PANK4: variants seen among roughly 807,000 people sequenced by gnomAD.
The protein encoded by PANK4 is pantothenate kinase 4 (inactive).
A neutral mutation model predicts 87.9 loss-of-function variants in PANK4; 40 were observed. The observed-to-expected ratio is 0.46, with a 90% confidence interval of 0.35 to 0.59. PANK4 has a LOEUF of 0.59. Ranked by LOEUF, PANK4 falls within the 20% of genes least tolerant of loss-of-function variation. PANK4 has a pLI of 0.00. For missense variants in PANK4, 926 were observed against 1,072.3 expected (o/e 0.86, Z 1.90); for synonymous variants, 524 against 467.4 (o/e 1.12, Z -1.56).
In PANK4 at chr1:2,520,079, G is replaced by T; in HGVS notation, c.700-125C>A. On this transcript the variant is annotated intron_variant, in intron 5 of 18. Coordinates refer to ENST00000378466, the MANE Select transcript of PANK4 (RefSeq NM_018216.4). The surrounding 1 kb of genome is among the most constrained non-coding windows in gnomAD (Gnocchi z 6.2). ...GGGTAAATGGGCCCTCATCGCGTGG[G>T]ACCAAAGGCAGGAGGCGGCAAGCGG... 1.0e-6 allele frequency: 1 copy of T among 981,334 alleles called. No homozygotes were observed. Among genetic ancestry groups the T allele is most frequent in the East Asian group, 2.6e-5 (1 of 37,822 alleles). The allele number at this position is 981,334 out of a possible 1,614,324, so 60.8% of individuals were successfully genotyped here.
chr1:2,518,435 TG>T, intron 8 of PANK4, 80 bp downstream of exon 8: 1 of 1,283,168 alleles, frequency 7.8e-7, no homozygotes, highest in Non-Finnish European at 1.1e-6. Context: ...ACCTCCACCC[TG>T]GGCCGCCCTG....
At chr1:2,513,169 C>A in intron 12 of PANK4, 130 bp from the exon 13 acceptor site, 1 of 954,828 alleles carries the variant, frequency 1.0e-6, no homozygotes, top group Non-Finnish European at 1.6e-6. Flanking sequence ...TGGGACCCCA[C>A]CAGGCACAAG....
Position 2,508,786 on chromosome 1 carries a change from G to C in PANK4, c.*61C>G. On this transcript the variant is annotated 3_prime_UTR_variant, in exon 19 of 19. Coordinates refer to ENST00000378466, the MANE Select transcript of PANK4 (RefSeq NM_018216.4). This position sits in a 1 kb window ranked among gnomAD's most constrained non-coding sequence, Gnocchi z 5.1. ...ACGTTGATTTGAACGCAGTTTCCCT[G>C]TGGTGGTAAAAACACATTCCTGACA... 9.9e-7 allele frequency: 1 copy of C among 1,008,528 alleles called. No individual in the cohort carries two copies. The allele number at this position is 1,008,528 out of a possible 1,614,324, so 62.5% of individuals were successfully genotyped here.
rs1167185595 is a variant in PANK4, at chr1:2,517,776, C to G, written c.1218+388G>C. On this transcript the variant is annotated intron_variant, in intron 9 of 18. Transcript: ENST00000378466. ...CAGTGCGCGGCAGTGTGCGGCAGAGCGCGCAGTCCTAGGCAGGGCCCTGGG... is the reference window on the plus strand; with the variant it reads ...CAGTGCGCGGCAGTGTGCGGCAGAGGGCGCAGTCCTAGGCAGGGCCCTGGG... Among the ~76,000 whole-genome samples the G allele has an allele frequency of 7.2e-5, 11 of 152,360 alleles. No individual in the cohort carries two copies. In the East Asian group the frequency reaches 2.1e-3, roughly 29 times the overall value.
At chr1:2,523,861 C>A (rs546547461) in intron 1 of PANK4, among the ~76,000 whole-genome samples, 1 of 152,230 alleles carries the variant, frequency 6.6e-6, no homozygotes, top group Non-Finnish European at 1.5e-5. Context: ...TGCCTCCTGG[C>A]GGCTCTCCGG....
At position 2,510,514 on chromosome 1, in the gene PANK4, C is replaced by G. The variant is rs1404036536; in HGVS notation, c.1938+164G>C. 3.1e-6 allele frequency: 2 copies of G among 640,440 alleles called. No homozygotes were observed. The highest frequency in any genetic ancestry group is 5.6e-6 in the Non-Finnish European group (2 of 360,116). 39.7% of individuals were successfully genotyped at this position (640,440 alleles called of 1,614,324 possible). A position where few individuals can be genotyped will look rare whatever the true frequency, so the allele number is the denominator to read the frequency against. On this transcript the variant is annotated intron_variant, in intron 16 of 18. Transcript: ENST00000378466. The surrounding 1 kb of genome is among the most constrained non-coding windows in gnomAD (Gnocchi z 4.9). Reference sequence around the variant, plus strand: ...AGCCCAGGGGGCTCGGAGCCTCCACCCCAGCAGATGACGGCTCTGGGCCGC... The same window carrying G: ...AGCCCAGGGGGCTCGGAGCCTCCACGCCAGCAGATGACGGCTCTGGGCCGC...
chr1:2,522,940 G>C lies in PANK4; in HGVS notation c.125-1140C>G, dbSNP rs113384210. On this transcript the variant is annotated intron_variant, in intron 1 of 18. Coordinates refer to ENST00000378466, the MANE Select transcript of PANK4 (RefSeq NM_018216.4). ...TATGGTGCTATAGTGACTTAACAGAGGGGACCGTGTGGTGTTATAGTGACT... is the reference window on the plus strand; with the variant it reads ...TATGGTGCTATAGTGACTTAACAGACGGGACCGTGTGGTGTTATAGTGACT... Among the ~76,000 whole-genome samples the C allele has an allele frequency of 6.7e-3, 521 of 77,610 alleles. 13 individuals carry two copies. The highest frequency in any genetic ancestry group is 0.028 in the Middle Eastern group (2 of 72). The allele number at this position is 77,610 out of a possible 152,430, so 50.9% of individuals were successfully genotyped here.
intron 9 of PANK4, among the ~76,000 whole-genome samples, chr1:2,517,840 G>A (rs949690501): frequency 8.5e-5 from 13 of 152,228 alleles, no homozygotes; most frequent in African/African-American, 2.9e-4. Flanking sequence ...CAAAGTGGAC[G>A]GGCCTTCTGG....
chr1:2,511,284 C>T (rs1643656328), intron 15 of PANK4, 54 bp downstream of exon 15: 5 of 1,318,678 alleles, frequency 3.8e-6, no homozygotes, highest in South Asian at 2.4e-5. Flanking sequence ...AGTGACCACC[C>T]CCCCGGGCCC....
chr1:2,508,627 TATAA>T lies in PANK4; in HGVS notation c.*216_*219del. The T allele has an allele frequency of 3.1e-6, 1 of 320,956 alleles. No homozygotes were observed. The highest frequency in any genetic ancestry group is 5.6e-6 in the Non-Finnish European group (1 of 180,158). 19.9% of individuals were successfully genotyped at this position (320,956 alleles called of 1,614,324 possible). ...ATCTCTCTATTTATATATATATATA[TATAA>T]AAGGTTCTTTAGCAGTTAAATAGAT... On this transcript the variant is annotated 3_prime_UTR_variant, in exon 19 of 19. Coordinates refer to ENST00000378466, the MANE Select transcript of PANK4 (RefSeq NM_018216.4). This position sits in a 1 kb window ranked among gnomAD's most constrained non-coding sequence, Gnocchi z 5.1.
intron 1 of PANK4, among the ~76,000 whole-genome samples, chr1:2,523,675 T>A (rs1643896739): frequency 6.6e-6 from 1 of 152,310 alleles, no homozygotes; most frequent in African/African-American, 2.4e-5. Context: ...CAGTGTTCCG[T>A]CTGCCTACTC....
rs1470682204 is a variant in PANK4, at chr1:2,520,049, G to T, written c.700-95C>A. 5 of 1,245,284 alleles carry T rather than the reference G, an allele frequency of 4.0e-6. No homozygotes were observed. The East Asian group carries it at 1.3e-4, about 32-fold the overall frequency. 77.1% of individuals were successfully genotyped at this position (1,245,284 alleles called of 1,614,324 possible). ...AGCCCATGGCAGGAGGCACGCGCGGGCAGGGGGTAAATGGGCCCTCATCGC... is the reference window on the plus strand; with the variant it reads ...AGCCCATGGCAGGAGGCACGCGCGGTCAGGGGGTAAATGGGCCCTCATCGC... On this transcript the variant is annotated intron_variant, in intron 5 of 18. Transcript: ENST00000378466. The surrounding 1 kb of genome is among the most constrained non-coding windows in gnomAD (Gnocchi z 6.2).
At chr1:2,513,828 T>C (rs1643708469) in intron 12 of PANK4, among the ~76,000 whole-genome samples, 174 bp downstream of exon 12, 1 of 152,184 alleles carries the variant, frequency 6.6e-6, no homozygotes, top group African/African-American at 2.4e-5. Flanking sequence ...CAGCAGATGC[T>C]GCCAACAGAG....
intron 2 of PANK4, 93 bp downstream of exon 2, chr1:2,521,625 G>A (rs778366893): frequency 2.0e-6 from 2 of 1,015,110 alleles, no homozygotes; most frequent in South Asian, 2.5e-5. Context: ...GTCGAGGTCT[G>A]CAGCAGCAGA....
At position 2,522,105 on chromosome 1, in the gene PANK4, G is replaced by C. The variant is rs77399547; in HGVS notation, c.125-305C>G. The stretch of plus-strand genomic sequence containing the variant: ...GAAAGGGAGAGCTGTCTTGCTTTGG[G>C]TAACCTTGGTTATCCTCACTGCTTT... On this transcript the variant is annotated intron_variant, in intron 1 of 18. Coordinates refer to ENST00000378466, the MANE Select transcript of PANK4 (RefSeq NM_018216.4). 8.9e-3 allele frequency among the ~76,000 whole-genome samples: 1,361 copies of C among 152,332 alleles called. 21 individuals carry two copies. Among genetic ancestry groups the C allele is most frequent in the African/African-American group, 0.032 (1,314 of 41,566 alleles).
In PANK4 at chr1:2,519,967, G is replaced by A; in HGVS notation, c.700-13C>T. The A allele has an allele frequency of 6.5e-7, 1 of 1,540,404 alleles. No individual in the cohort carries two copies. The highest frequency in any genetic ancestry group is 8.8e-7 in the Non-Finnish European group (1 of 1,138,328). Reference sequence around the variant, plus strand: ...GCTCGTCAAACTTCTGCAGGACACGGCGAGGGGGCGGGTGAGGCGCCAGGA... The same window carrying A: ...GCTCGTCAAACTTCTGCAGGACACGACGAGGGGGCGGGTGAGGCGCCAGGA... On this transcript the variant is annotated splice_polypyrimidine_tract_variant and intron_variant, in intron 5 of 18. Coordinates refer to ENST00000378466, the MANE Select transcript of PANK4 (RefSeq NM_018216.4). This position sits in a 1 kb window ranked among gnomAD's most constrained non-coding sequence, Gnocchi z 8.3.
At chr1:2,524,443 A>G (rs1436879674) in intron 1 of PANK4, among the ~76,000 whole-genome samples, 2 of 152,246 alleles carry the variant, frequency 1.3e-5, no homozygotes, top group Non-Finnish European at 2.9e-5. Flanking sequence ...GTCTCTCAGT[A>G]TCAGTCAACA....
At position 2,515,612 on chromosome 1, in the gene PANK4, C is replaced by T. The variant is rs200452217; in HGVS notation, c.1324G>A (p.Ala442Thr). 2.3e-5 allele frequency: 37 copies of T among 1,613,310 alleles called. No individual in the cohort carries two copies. The highest frequency in any genetic ancestry group is 6.7e-5 in the East Asian group (3 of 44,876). ...GTGAGCCAGTATTTTCGGGCCAGAGCGTCATCGGTGAGGTCCACCGTGTCG... is the reference window on the plus strand; with the variant it reads ...GTGAGCCAGTATTTTCGGGCCAGAGTGTCATCGGTGAGGTCCACCGTGTCG... ...VPDTVDLTDD[A>T]LARKYWLTCF... Residue 442 changes from alanine to threonine, a missense_variant, in exon 10 of 19, where the codon GCT (alanine) becomes ACT (threonine). Physicochemically the swap from Ala to Thr is moderately conservative, Grantham distance 58 (BLOSUM62 0). Transcript: ENST00000378466. This position sits in a 1 kb window ranked among gnomAD's most constrained non-coding sequence, Gnocchi z 5.0.
Position 2,519,717 on chromosome 1 carries a change from G to T in PANK4, c.853+84C>A. ...CTCTCCAGGGAGCAGTTGTGGGAAA[G>T]CAATGGTGGGGGAAGCTCCTGTCCG... On this transcript the variant is annotated intron_variant, in intron 6 of 18. Coordinates refer to ENST00000378466, the MANE Select transcript of PANK4 (RefSeq NM_018216.4). This position sits in a 1 kb window ranked among gnomAD's most constrained non-coding sequence, Gnocchi z 8.3. 7.3e-7 allele frequency: 1 copy of T among 1,365,178 alleles called. No individual in the cohort carries two copies. The highest frequency in any genetic ancestry group is 9.8e-7 in the Non-Finnish European group (1 of 1,019,054). 84.6% of individuals were successfully genotyped at this position (1,365,178 alleles called of 1,614,324 possible).
Sources: gnomAD v4.1 joint callset for allele counts (sites outside exome capture counted in the v4.1 genomes callset) on GRCh38, gnomAD v4.1.1 for gene constraint, Gnocchi (gnomAD v3.1) non-coding constraint, MANE v1.5 for transcripts, NCBI Gene and HGNC (gene_info 2026-07-23, HGNC 2026-07-21) for gene names.